The following EHHADH variants were observed in gnomAD, a reference collection of about 807,000 sequenced individuals.
EHHADH encodes the protein peroxisomal bifunctional enzyme.
A neutral mutation model predicts 64.4 loss-of-function variants in EHHADH; 48 were observed. The observed-to-expected ratio is 0.75, with a 90% CI of 0.59 to 0.95. EHHADH has a LOEUF of 0.95. Ranked by LOEUF, EHHADH falls within the 40% of genes least tolerant of loss-of-function variation. The pLI, the probability that EHHADH is intolerant of heterozygous loss-of-function variation, is 0.00. For synonymous variants in EHHADH, 308 were observed against 326.7 expected (o/e 0.94, Z 0.62); for missense variants, 854 against 876.6 (o/e 0.97, Z 0.33).
chr3:185,202,602 G>A (rs1560008042), intron 6 of EHHADH, among the ~76,000 whole-genome samples: 1 of 152,116 alleles, frequency 6.6e-6, no homozygotes, highest in Non-Finnish European at 1.5e-5. Context: ...AACAGGCTAG[G>A]GAGCATTTCA....
At chr3:185,209,996 A>C (rs1718495683) in intron 5 of EHHADH, among the ~76,000 whole-genome samples, 1 of 152,208 alleles carries the variant, frequency 6.6e-6, no homozygotes, top group Admixed American at 6.5e-5. Context: ...GGACTCCCCC[A>C]GGGTCTACAG....
At chr3:185,231,688 C>G (rs1719135895) in intron 3 of EHHADH, among the ~76,000 whole-genome samples, 2 of 150,368 alleles carry the variant, frequency 1.3e-5, no homozygotes, top group Admixed American at 1.3e-4. Flanking sequence ...ACAAAAAAAG[C>G]CAGTCACAGG....
intron 3 of EHHADH, among the ~76,000 whole-genome samples, chr3:185,233,770 C>T (rs889822984): frequency 1.3e-5 from 2 of 152,070 alleles, no homozygotes; most frequent in African/African-American, 2.4e-5. Flanking sequence ...CTCAGCCTCC[C>T]GAGTAGCTGG....
intron 2 of EHHADH, among the ~76,000 whole-genome samples, chr3:185,243,108 T>C (rs987172358): frequency 3.9e-5 from 6 of 152,214 alleles, no homozygotes; most frequent in Non-Finnish European, 8.8e-5. Flanking sequence ...GGTCAGAATC[T>C]TCTCCCACAA....
Position 185,193,329 on chromosome 3 carries a change from G to T in EHHADH, c.1069C>A (p.Pro357Thr), listed in dbSNP as rs2108622847. The T allele has an allele frequency of 6.2e-7, 1 of 1,613,764 alleles. No homozygotes were observed. The highest frequency in any genetic ancestry group is 2.2e-5 in the East Asian group (1 of 44,886). The change falls in exon 7 of 7, where the codon CCT (proline) becomes ACT (threonine). Residue 357 changes from proline to threonine, a missense_variant. Pro to Thr is a conservative substitution (Grantham distance 38). Coordinates refer to ENST00000231887, the MANE Select transcript of EHHADH (RefSeq NM_001966.4). ...EASKMQQSGH[P>T]WSGPKPRLTS... is the part of the protein sequence containing the mutation. ...AACCTGGGTTTTGGTCCTGACCAAGGGTGGCCGCTCTGTTGCATTTTGGAG... is the reference window on the plus strand; with the variant it reads ...AACCTGGGTTTTGGTCCTGACCAAGTGTGGCCGCTCTGTTGCATTTTGGAG...
At chr3:185,198,077 G>GT (rs1180696997) in intron 6 of EHHADH, among the ~76,000 whole-genome samples, 1 of 152,020 alleles carries the variant, frequency 6.6e-6, no homozygotes, top group Non-Finnish European at 1.5e-5. Flanking sequence ...GATTACAGGC[G>GT]TGAGCCACTG....
At chr3:185,243,867 T>C (rs1204594400) in intron 2 of EHHADH, among the ~76,000 whole-genome samples, 1 of 152,216 alleles carries the variant, frequency 6.6e-6, no homozygotes, top group East Asian at 1.9e-4. Flanking sequence ...ATTAGGTCCA[T>C]TTGGTCTAAA....
chr3:185,211,933 C>G (rs866214184), intron 5 of EHHADH, among the ~76,000 whole-genome samples: 4 of 152,154 alleles, frequency 2.6e-5, no homozygotes, highest in Non-Finnish European at 5.9e-5. Context: ...CTAACACAGC[C>G]CAGCACAGCC....
intron 4 of EHHADH, among the ~76,000 whole-genome samples, chr3:185,227,938 G>A (rs543106386): frequency 7.9e-5 from 12 of 151,770 alleles, no homozygotes; most frequent in East Asian, 3.9e-4. Flanking sequence ...TCCGATTTTC[G>A]CCACATCACC....
intron 2 of EHHADH, chr3:185,245,511 GC>G: frequency 2.8e-6 from 3 of 1,054,580 alleles, no homozygotes; most frequent in Non-Finnish European, 4.3e-6. Context: ...CAGTCTGGAA[GC>G]CAGTTTTGAT....
chr3:185,213,618 G>A lies in EHHADH; in HGVS notation c.568+4518C>T, dbSNP rs532048509. 1.4e-4 allele frequency among the ~76,000 whole-genome samples: 21 copies of A among 152,142 alleles called. No homozygotes were observed. The South Asian group carries it at 3.7e-3, about 27-fold the overall frequency. Reference sequence around the variant, plus strand: ...AAAGAGGCTGGGTGCGGTGGCTCACGGCTGTAATCCCAGCACTTTGGGAGG... The same window carrying A: ...AAAGAGGCTGGGTGCGGTGGCTCACAGCTGTAATCCCAGCACTTTGGGAGG... On this transcript the variant is annotated intron_variant, in intron 5 of 6. Coordinates refer to ENST00000231887, the MANE Select transcript of EHHADH (RefSeq NM_001966.4).
chr3:185,253,695 T>G, intron 1 of EHHADH: 1 of 770,812 alleles, frequency 1.3e-6, no homozygotes, highest in Non-Finnish European at 1.8e-6. Flanking sequence ...AGCCTCAGCC[T>G]CAGTTTCCTT....
chr3:185,244,451 AG>A (rs1719540100), intron 2 of EHHADH, among the ~76,000 whole-genome samples: 1 of 152,342 alleles, frequency 6.6e-6, no homozygotes, highest in African/African-American at 2.4e-5. Context: ...AAATGAAATT[AG>A]CCTGTAATTT....
chr3:185,235,502 T>C, intron 2 of EHHADH, 40 bp from the exon 3 acceptor site: 1 of 1,535,812 alleles, frequency 6.5e-7, no homozygotes, highest in Non-Finnish European at 8.8e-7. Flanking sequence ...AGTTGAGAAA[T>C]ACATGGGCAT....
chr3:185,238,595 T>A (rs928917297), intron 2 of EHHADH, among the ~76,000 whole-genome samples: 12 of 152,128 alleles, frequency 7.9e-5, no homozygotes, highest in Admixed American at 2.0e-4. Context: ...TCAAAAAAAA[T>A]TTTTAAGTAT....
intron 4 of EHHADH, among the ~76,000 whole-genome samples, chr3:185,221,577 C>CTTTTTTT (rs10663266): frequency 7.6e-6 from 1 of 130,728 alleles, no homozygotes; most frequent in African/African-American, 2.9e-5. Context: ...ATTTTTTTTT[C>CTTTTTTT]TTTTTTTTTT....
At chr3:185,252,322 C>T (rs1263480117) in intron 1 of EHHADH, among the ~76,000 whole-genome samples, 1 of 151,966 alleles carries the variant, frequency 6.6e-6, no homozygotes, top group African/African-American at 2.4e-5. Context: ...ATCACTTGAA[C>T]CCGGGAGGCA....
chr3:185,215,474 T>G (rs1048042951), intron 5 of EHHADH, among the ~76,000 whole-genome samples: 3 of 152,106 alleles, frequency 2.0e-5, no homozygotes, highest in African/African-American at 7.2e-5. Context: ...TGACAGAAAG[T>G]AGGTCACTGG....
intron 4 of EHHADH, among the ~76,000 whole-genome samples, chr3:185,219,031 A>C (rs1718767362): frequency 6.6e-6 from 1 of 152,194 alleles, no homozygotes; most frequent in African/African-American, 2.4e-5. Context: ...TCCAAAAACA[A>C]AGAAAAAGAG....
Sources: allele counts gnomAD v4.1 joint callset (sites outside exome capture counted in the v4.1 genomes callset), GRCh38; gene constraint gnomAD v4.1.1; transcripts MANE v1.5; gene names NCBI Gene and HGNC (gene_info 2026-07-23, HGNC 2026-07-21).